Variants in ENOX1 observed in about 807,000 individuals in gnomAD.
The protein encoded by ENOX1 is candidate growth-related and time keeping constitutive hydroquinone (NADH) oxidase.
ENOX1 carries 42 observed loss-of-function variants against 82.5 expected under a neutral mutation model. That is an observed-to-expected ratio of 0.51 (90% CI 0.40 to 0.66). The LOEUF (loss-of-function observed/expected upper bound fraction) is 0.66, where lower values mean the gene tolerates loss of function less well. ENOX1 is among the 30% of genes least tolerant of loss of function. ENOX1 has a pLI of 0.00. For synonymous variants in ENOX1, 271 were observed against 282.2 expected, an observed-to-expected ratio of 0.96 and a Z score of 0.40; for missense variants, 608 against 811.6, an observed-to-expected ratio of 0.75 and a Z score of 3.05.
chr13:43,356,459 C>G (rs73178358), intron 7 of ENOX1, among the ~76,000 whole-genome samples: 3 of 152,156 alleles, frequency 2.0e-5, no homozygotes. Context: ...TTATCATGAT[C>G]ATTCCTTCTT....
At chr13:43,637,179 G>A (rs776719405) in intron 2 of ENOX1, among the ~76,000 whole-genome samples, 6 of 152,130 alleles carry the variant, frequency 3.9e-5, no homozygotes, top group Non-Finnish European at 5.9e-5. Flanking sequence ...AAAGCCCAGC[G>A]TGTTCAGCCC....
rs571273941 is a variant in ENOX1 at position 43,634,472 on chromosome 13, A to G, written c.-219+33007T>C. ...TAAACAAGGATAGTAAATTTCTGGGAGATGCTGTCTATGTAGATATTTTAA... is the reference window on the plus strand; with the variant it reads ...TAAACAAGGATAGTAAATTTCTGGGGGATGCTGTCTATGTAGATATTTTAA... On this transcript the variant is annotated intron_variant, in intron 2 of 16. Coordinates refer to ENST00000690772, the MANE Select transcript of ENOX1 (RefSeq NM_001347969.2). Among the ~76,000 whole-genome samples the G allele has an allele frequency of 8.5e-5, 13 of 152,288 alleles. No individual in the cohort carries two copies. The East Asian group carries it at 2.1e-3, about 25-fold the overall frequency.
intron 12 of ENOX1, among the ~76,000 whole-genome samples, 194 bp downstream of exon 12, chr13:43,298,152 T>G (rs1406275568): frequency 1.3e-5 from 2 of 152,234 alleles, no homozygotes; most frequent in African/African-American, 4.8e-5. Context: ...CTTCAACATA[T>G]TTTATTGGCT....
intron 5 of ENOX1, among the ~76,000 whole-genome samples, chr13:43,407,705 G>A (rs919826628): frequency 6.6e-6 from 1 of 152,054 alleles, no homozygotes; most frequent in Admixed American, 6.5e-5. Flanking sequence ...ATTTATCTAC[G>A]TTTAACCCAG....
rs747778560 is a variant in ENOX1, at chr13:43,213,907, A to G, written c.*83T>C. The G allele has an allele frequency of 1.5e-4, 233 of 1,523,086 alleles. No individual in the cohort carries two copies. Among genetic ancestry groups the G allele is most frequent in the Non-Finnish European group, 1.8e-4 (206 of 1,126,944 alleles). The allele number at this position is 1,523,086 out of a possible 1,614,324, so 94.3% of individuals were successfully genotyped here. A position where few individuals can be genotyped will look rare whatever the true frequency, so the allele number is the denominator to read the frequency against. ...TCCACAAAGGTTGCGTGCTGGACCA[A>G]CCCCACACCTCCTGCTTCCCCGTCG... On this transcript the variant is annotated 3_prime_UTR_variant, in exon 17 of 17. Transcript: ENST00000690772.
At chr13:43,515,128 G>A (rs569160105) in intron 2 of ENOX1, among the ~76,000 whole-genome samples, 4 of 152,246 alleles carry the variant, frequency 2.6e-5, no homozygotes, top group South Asian at 4.1e-4. Flanking sequence ...ACCAGTACAC[G>A]GCAGAGGTGG....
In ENOX1 at chr13:43,214,312, C is replaced by G. The variant is rs2041347065; in HGVS notation, c.1801-191G>C. Among the ~76,000 whole-genome samples the G allele has an allele frequency of 4.6e-5, 7 of 152,190 alleles. No homozygotes were observed. The South Asian group carries it at 8.3e-4, about 18-fold the overall frequency. ...ATTATCCCACCTCCCGAGCAGCTGG[C>G]GGGGTGGGGCGTGGGTTGGCTGGGC... On this transcript the variant is annotated intron_variant, in intron 16 of 16. Coordinates refer to ENST00000690772, the MANE Select transcript of ENOX1 (RefSeq NM_001347969.2).
intron 2 of ENOX1, among the ~76,000 whole-genome samples, chr13:43,632,050 G>A (rs920676635): frequency 3.9e-5 from 6 of 152,156 alleles, no homozygotes; most frequent in African/African-American, 1.4e-4. Flanking sequence ...GCCTGAGCAG[G>A]AAAGGATTAA....
intron 1 of ENOX1, among the ~76,000 whole-genome samples, chr13:43,740,110 T>C (rs1195641655): frequency 2.0e-5 from 3 of 152,150 alleles, no homozygotes; most frequent in African/African-American, 4.8e-5. Context: ...CAACTGAATA[T>C]GGGGAATGTG....
chr13:43,679,723 T>C (rs899160060), intron 1 of ENOX1, among the ~76,000 whole-genome samples: 4 of 152,190 alleles, frequency 2.6e-5, no homozygotes, highest in South Asian at 2.1e-4. Context: ...CTCCAGATGA[T>C]AGAACTGCTG....
intron 1 of ENOX1, among the ~76,000 whole-genome samples, chr13:43,745,785 C>T (rs1483420993): frequency 2.0e-5 from 3 of 152,244 alleles, no homozygotes. Context: ...CACCCTCATG[C>T]CATTCTTGTG....
chr13:43,457,428 T>G (rs1220930188), intron 3 of ENOX1, among the ~76,000 whole-genome samples: 1 of 152,092 alleles, frequency 6.6e-6, no homozygotes, highest in Non-Finnish European at 1.5e-5. Context: ...CTCCAGAAGT[T>G]TGGACAAATA....
At chr13:43,621,552 T>C (rs2082732594) in intron 2 of ENOX1, among the ~76,000 whole-genome samples, 1 of 152,168 alleles carries the variant, frequency 6.6e-6, no homozygotes, top group African/African-American at 2.4e-5. Flanking sequence ...CTGATAATTG[T>C]TTTGTTTGAG....
At chr13:43,355,495 T>G (rs1396145284) in intron 8 of ENOX1, among the ~76,000 whole-genome samples, 1 of 152,194 alleles carries the variant, frequency 6.6e-6, no homozygotes, top group Non-Finnish European at 1.5e-5. Context: ...ACATGCACAC[T>G]CTATAGAGCT....
chr13:43,313,482 C>T (rs1325140373), intron 11 of ENOX1, among the ~76,000 whole-genome samples: 1 of 152,136 alleles, frequency 6.6e-6, no homozygotes, highest in Non-Finnish European at 1.5e-5. Flanking sequence ...ATTCCTCAAT[C>T]AACATGGATT....
At chr13:43,299,466 T>TG (rs2046454274) in intron 11 of ENOX1, among the ~76,000 whole-genome samples, 1 of 152,178 alleles carries the variant, frequency 6.6e-6, no homozygotes, top group African/African-American at 2.4e-5. Context: ...ACCAAGCCTG[T>TG]GATGCCGGTG....
intron 1 of ENOX1, among the ~76,000 whole-genome samples, chr13:43,763,060 C>T (rs981774483): frequency 1.3e-5 from 2 of 152,132 alleles, no homozygotes; most frequent in African/African-American, 2.4e-5. Flanking sequence ...AGTTGAAAAT[C>T]TTAGAAAATA....
chr13:43,781,534 A>G (rs1318863892), intron 1 of ENOX1, among the ~76,000 whole-genome samples: 5 of 150,674 alleles, frequency 3.3e-5, no homozygotes, highest in African/African-American at 1.2e-4. Flanking sequence ...TTTTTTTTAG[A>G]TGGAGTTTCG....
At chr13:43,268,350 T>C (rs981165609) in intron 13 of ENOX1, among the ~76,000 whole-genome samples, 2 of 152,200 alleles carry the variant, frequency 1.3e-5, no homozygotes, top group South Asian at 2.1e-4. Flanking sequence ...TTCAGTCAAC[T>C]AGATTTTTCA....
Sources: gnomAD v4.1 joint callset for allele counts (sites outside exome capture counted in the v4.1 genomes callset) on GRCh38, gnomAD v4.1.1 for gene constraint, MANE v1.5 for transcripts, NCBI Gene and HGNC (gene_info 2026-07-23, HGNC 2026-07-21) for gene names.